CHUK: variants seen among roughly 807,000 people sequenced by gnomAD.
CHUK encodes inhibitor of nuclear factor kappa-B kinase subunit alpha.
A neutral mutation model predicts 104.8 loss-of-function variants in CHUK; 35 were observed. That is an observed-to-expected ratio of 0.33 (90% CI 0.26 to 0.44). The LOEUF (loss-of-function observed/expected upper bound fraction) is 0.44. CHUK is among the 20% of genes least tolerant of loss of function. The pLI is 1.00. For synonymous variants in CHUK, 276 were observed against 291.9 expected, an observed-to-expected ratio of 0.95 and a Z score of 0.56; for missense variants, 663 against 902.7, an observed-to-expected ratio of 0.73 and a Z score of 3.40.
intron 19 of CHUK, chr10:100,193,022 A>G: frequency 2.3e-6 from 1 of 442,652 alleles, no homozygotes; most frequent in Non-Finnish European, 4.1e-6. Flanking sequence ...CATTTGAGCT[A>G]ATAATACGCA....
At chr10:100,211,422 C>CT (rs1286278693) in intron 9 of CHUK, among the ~76,000 whole-genome samples, 1 of 151,826 alleles carries the variant, frequency 6.6e-6, no homozygotes, top group East Asian at 1.9e-4. Context: ...ATTTTTGTAC[C>CT]TTTTTTTTCT....
In CHUK at chr10:100,218,025, A is replaced by T; in HGVS notation, c.903T>A (p.Phe301Leu). Reference protein sequence around the residue: ...VDLTLKQPRCFVLMDHILNLK... With the variant: ...VDLTLKQPRCLVLMDHILNLK... Reference sequence around the variant, plus strand: ...AATTCAAAATGTGATCCATTAATACAAAACATCTTGGCTGCTTCAAAGTAA... The same window carrying T: ...AATTCAAAATGTGATCCATTAATACTAAACATCTTGGCTGCTTCAAAGTAA... The change falls in exon 9 of 21, where the codon TTT becomes TTA. Residue 301 changes from phenylalanine (F) to leucine (L), a missense_variant. This residue lies in a region of CHUK where 200 missense variants were observed against 333.0 expected (regional missense o/e 0.60). Coordinates refer to ENST00000370397, the MANE Select transcript of CHUK (RefSeq NM_001278.5). 1 of 1,614,164 alleles carries T rather than the reference A, an allele frequency of 6.2e-7. No homozygotes were observed.
At position 100,194,457 on chromosome 10, in the gene CHUK, G is replaced by T. The variant is rs1425962118; in HGVS notation, c.1794C>A (p.Asp598Glu). 1.9e-6 allele frequency: 3 copies of T among 1,613,468 alleles called. No individual in the cohort carries two copies. The highest frequency in any genetic ancestry group is 2.5e-6 in the Non-Finnish European group (3 of 1,179,518). The change falls in exon 17 of 21, where the codon GAC becomes GAA. Residue 598 changes from aspartate to glutamate, a missense_variant. Coordinates refer to ENST00000370397, the MANE Select transcript of CHUK (RefSeq NM_001278.5). ...GACCAAACAGCTCCTTGAGCACACGGTCCTGACTCTGCACAGTGTGCACAA... is the reference window on the plus strand; with the variant it reads ...GACCAAACAGCTCCTTGAGCACACGTTCCTGACTCTGCACAGTGTGCACAA... The part of the protein sequence containing the change: ...KIIVHTVQSQ[D>E]RVLKELFGHL...
chr10:100,210,083 A>ATTT (rs201890676), intron 9 of CHUK, among the ~76,000 whole-genome samples: 8 of 130,226 alleles, frequency 6.1e-5, no homozygotes, highest in African/African-American at 1.7e-4. Context: ...TTATTTATTT[A>ATTT]TTTATTTATT....
chr10:100,225,646 C>T (rs1408641721), intron 2 of CHUK, among the ~76,000 whole-genome samples: 1 of 152,116 alleles, frequency 6.6e-6, no homozygotes, highest in East Asian at 1.9e-4. Context: ...TATGGTAATT[C>T]TATTTTTAAT....
Position 100,192,910 on chromosome 10 carries a change from T to C in CHUK, c.2108+388A>G, listed in dbSNP as rs17885701. 2.0e-3 allele frequency: 471 copies of C among 236,418 alleles called. 3 individuals carry two copies. The highest frequency in any genetic ancestry group is 0.011 in the African/African-American group (460 of 43,254). 14.6% of individuals were successfully genotyped at this position (236,418 alleles called of 1,614,324 possible). A position where few individuals can be genotyped will look rare whatever the true frequency, so the allele number is the denominator to read the frequency against. On this transcript the variant is annotated intron_variant, in intron 19 of 20. Coordinates refer to ENST00000370397, the MANE Select transcript of CHUK (RefSeq NM_001278.5). ...TGATAAATGCAAAATGATAGCATAATTTCTCATAAACTGTTAATGAAGGAG... is the reference window on the plus strand; with the variant it reads ...TGATAAATGCAAAATGATAGCATAACTTCTCATAAACTGTTAATGAAGGAG...
Position 100,188,611 on chromosome 10 carries a change from C to T in CHUK, c.*987G>A, listed in dbSNP as rs1845125778. 6.6e-6 allele frequency: 1 copy of T among 152,550 alleles called. No individual in the cohort carries two copies. The highest frequency in any genetic ancestry group is 1.5e-5 in the Non-Finnish European group (1 of 68,050). 9.4% of individuals were successfully genotyped at this position (152,550 alleles called of 1,614,324 possible). A position where few individuals can be genotyped will look rare whatever the true frequency, so the allele number is the denominator to read the frequency against. On this transcript the variant is annotated 3_prime_UTR_variant, in exon 21 of 21. Transcript: ENST00000370397. ...CACCACAGTCTGTGGCAGCAGCCCT[C>T]CCTCTCATCATCAAGCAGCAAAATA...
intron 3 of CHUK, among the ~76,000 whole-genome samples, chr10:100,222,592 A>C (rs1452944602): frequency 6.6e-6 from 1 of 152,200 alleles, no homozygotes; most frequent in African/African-American, 2.4e-5. Context: ...ATCAGGAGTC[A>C]ACATTTTCTG....
At chr10:100,188,065 T>C (rs1021856995), downstream of CHUK, 8 of 152,148 alleles carry the variant, frequency 5.3e-5, no homozygotes, top group Non-Finnish European at 7.4e-5. Flanking sequence ...ACTAAAAAAT[T>C]TGGTTGACTA....
intron 3 of CHUK, 26 bp from the exon 4 acceptor site, chr10:100,222,207 T>C (rs1272551234): frequency 1.4e-6 from 2 of 1,387,980 alleles, no homozygotes; most frequent in South Asian, 1.2e-5. Context: ...AATCTAAAAA[T>C]CTGTTCTGCA....
At chr10:100,196,698 G>A (rs1206381668) in intron 16 of CHUK, among the ~76,000 whole-genome samples, 1 of 152,140 alleles carries the variant, frequency 6.6e-6, no homozygotes, top group Non-Finnish European at 1.5e-5. Context: ...ACCTGGCCTG[G>A]ATTCTTAATG....
intron 9 of CHUK, among the ~76,000 whole-genome samples, chr10:100,217,493 G>A (rs191292561): frequency 1.1e-4 from 16 of 152,270 alleles, no homozygotes; most frequent in African/African-American, 3.6e-4. Flanking sequence ...CTTCAAAGGA[G>A]TAATTAACAA....
At chr10:100,215,801 G>A (rs987658863) in intron 9 of CHUK, among the ~76,000 whole-genome samples, 4 of 152,050 alleles carry the variant, frequency 2.6e-5, no homozygotes, top group African/African-American at 7.2e-5. Context: ...GTAACACCAA[G>A]CTGTTTTGCA....
At chr10:100,201,995 T>A in intron 14 of CHUK, 93 bp downstream of exon 14, 1 of 945,858 alleles carries the variant, frequency 1.1e-6, no homozygotes, top group Non-Finnish European at 1.7e-6. Context: ...AGGAATGACA[T>A]GAAAAATGCT....
intron 17 of CHUK, 28 bp from the exon 18 acceptor site, chr10:100,194,159 C>T (rs1438365469): frequency 6.2e-7 from 1 of 1,611,510 alleles, no homozygotes; most frequent in East Asian, 2.2e-5. Context: ...GTGTCAGACA[C>T]TTTCACATGC....
intron 12 of CHUK, 112 bp downstream of exon 12, chr10:100,204,964 G>T: frequency 8.4e-7 from 1 of 1,195,214 alleles, no homozygotes; most frequent in Non-Finnish European, 1.2e-6. Context: ...ACTTCAAATT[G>T]GCCCAGTATG....
In CHUK at chr10:100,189,538, C is replaced by T; in HGVS notation, c.*60G>A. ...AGAATGGTTTCATGGGGGAAAAACA[C>T]ATTTCCAACATGTATAGCAACAACT... is the stretch of plus-strand genomic sequence containing the variant. On this transcript the variant is annotated 3_prime_UTR_variant, in exon 21 of 21. Transcript: ENST00000370397. The T allele has an allele frequency of 7.2e-7, 1 of 1,387,954 alleles. No homozygotes were observed. The highest frequency in any genetic ancestry group is 1.0e-6 in the Non-Finnish European group (1 of 973,698). 86.0% of individuals were successfully genotyped at this position (1,387,954 alleles called of 1,614,324 possible). A position where few individuals can be genotyped will look rare whatever the true frequency, so the allele number is the denominator to read the frequency against.
At chr10:100,204,933 A>G (rs1330694695) in intron 12 of CHUK, 143 bp downstream of exon 12, 3 of 972,912 alleles carry the variant, frequency 3.1e-6, no homozygotes, top group Non-Finnish European at 4.7e-6. Context: ...TAAGAATTCT[A>G]CAAGTTTATC....
chr10:100,193,219 A>C (rs1845244198), intron 19 of CHUK, 79 bp downstream of exon 19: 1 of 1,495,688 alleles, frequency 6.7e-7, no homozygotes, highest in Non-Finnish European at 9.3e-7. Flanking sequence ...GGCACAGAAG[A>C]CTACCTTAAC....
Sources: allele counts gnomAD v4.1 joint callset (sites outside exome capture counted in the v4.1 genomes callset), GRCh38; gene constraint gnomAD v4.1.1; regional missense constraint gnomAD v4.1.1; transcripts MANE v1.5; gene names NCBI Gene and HGNC (gene_info 2026-07-23, HGNC 2026-07-21).